Variants in MOCOS observed in about 807,000 individuals in gnomAD.
The protein encoded by MOCOS is molybdenum cofactor sulfurase.
In MOCOS, 86 loss-of-function variants were observed where a neutral mutation model predicts 83.6. The ratio of observed to expected loss-of-function variants is 1.03; its 90% CI spans 0.86 to 1.23. The LOEUF (loss-of-function observed/expected upper bound fraction) is 1.23, where lower values mean the gene tolerates loss of function less well. Ranked by LOEUF, MOCOS falls within the 50% of genes most tolerant of loss-of-function variation. The pLI, the probability that MOCOS is intolerant of heterozygous loss-of-function variation, is 0.00. For missense variants in MOCOS, 1,120 were observed against 1,126.9 expected (o/e 0.99, Z 0.09); for synonymous variants, 445 against 434.7 (o/e 1.02, Z -0.29).
At chr18:36,188,607 T>C (rs1414950797) in intron 1 of MOCOS, among the ~76,000 whole-genome samples, 1 of 152,176 alleles carries the variant, frequency 6.6e-6, no homozygotes, top group East Asian at 1.9e-4. Flanking sequence ...GTGTATCTGC[T>C]CTGTCGCGAT....
intron 4 of MOCOS, among the ~76,000 whole-genome samples, chr18:36,202,145 C>T (rs1386341816): frequency 6.6e-6 from 1 of 152,156 alleles, no homozygotes; most frequent in Non-Finnish European, 1.5e-5. Flanking sequence ...AGGACTAGAA[C>T]TCAATAGATT....
intron 8 of MOCOS, among the ~76,000 whole-genome samples, chr18:36,216,872 G>A (rs1360677271): frequency 6.6e-6 from 1 of 152,184 alleles, no homozygotes; most frequent in African/African-American, 2.4e-5. Flanking sequence ...AATGAATGGG[G>A]TGTGTCTCCT....
chr18:36,241,122 C>A (rs948540613), intron 9 of MOCOS, among the ~76,000 whole-genome samples: 3 of 152,168 alleles, frequency 2.0e-5, no homozygotes, highest in African/African-American at 7.2e-5. Flanking sequence ...GAGCTGTAGA[C>A]CGGAGCTGTT....
chr18:36,200,108 A>T lies in MOCOS; in HGVS notation c.725A>T (p.Tyr242Phe), dbSNP rs2091406509. 1.9e-6 allele frequency: 3 copies of T among 1,614,148 alleles called. No homozygotes were observed. In the East Asian group the frequency reaches 6.7e-5, roughly 36 times the overall value. ...TTTGTGCTGCTGGATGCAGCCTCCT[A>T]CGTGAGCACCTCGCCTTTGGACCTG... ...KWFVLLDAAS[Y>F]VSTSPLDLSA... The change falls in exon 4 of 15, where the codon TAC becomes TTC. Residue 242 changes from tyrosine (Y) to phenylalanine (F), a missense_variant. Transcript: ENST00000261326.
chr18:36,248,336 G>T (rs77771154), intron 9 of MOCOS, among the ~76,000 whole-genome samples: 2,394 of 152,066 alleles, frequency 0.016, 57 homozygotes, highest in African/African-American at 0.054. Context: ...TTTCCTATTT[G>T]GTTATTAATC....
intron 6 of MOCOS, among the ~76,000 whole-genome samples, chr18:36,212,018 C>T (rs190612344): frequency 2.6e-5 from 4 of 152,324 alleles, no homozygotes; most frequent in South Asian, 4.1e-4. Context: ...GATGCCAAGC[C>T]ACATGGAGAC....
Position 36,270,949 on chromosome 18 carries a change from G to A in MOCOS, c.*2264G>A, listed in dbSNP as rs1382684883. 4 of 150,952 alleles carry A rather than the reference G, an allele frequency of 2.6e-5. No homozygotes were observed. Among genetic ancestry groups the A allele is most frequent in the Non-Finnish European group, 5.9e-5 (4 of 67,878 alleles). The allele number at this position is 150,952 out of a possible 1,614,324, so 9.4% of individuals were successfully genotyped here. A position where few individuals can be genotyped will look rare whatever the true frequency, so the allele number is the denominator to read the frequency against. On this transcript the variant is annotated 3_prime_UTR_variant, in exon 15 of 15. Coordinates refer to ENST00000261326, the MANE Select transcript of MOCOS (RefSeq NM_017947.4). ...CCTGCCTCAGCCTCCCAAGTAGCTG[G>A]GACTACAGGCACACATCACCACATC...
At chr18:36,242,977 G>T (rs2091589384) in intron 9 of MOCOS, among the ~76,000 whole-genome samples, 1 of 152,060 alleles carries the variant, frequency 6.6e-6, no homozygotes, top group Non-Finnish European at 1.5e-5. Flanking sequence ...TTCCTTGTAG[G>T]TATCTTTTCC....
intron 6 of MOCOS, among the ~76,000 whole-genome samples, chr18:36,212,561 T>C (rs956058140): frequency 6.6e-6 from 1 of 152,160 alleles, no homozygotes; most frequent in Non-Finnish European, 1.5e-5. Context: ...AGGAACAGAA[T>C]TGTTCATCTG....
At position 36,205,483 on chromosome 18, in the gene MOCOS, C is replaced by T. The variant is rs1317881582; in HGVS notation, c.1218+207C>T. 3.3e-5 allele frequency among the ~76,000 whole-genome samples: 5 copies of T among 152,230 alleles called. No individual in the cohort carries two copies. The East Asian group carries it at 9.6e-4, about 29-fold the overall frequency. On this transcript the variant is annotated intron_variant, in intron 6 of 14. Transcript: ENST00000261326. ...TCAAATGGGAAGAAAGAGGCCAGTT[C>T]TTCTGATGGCAGGTGGGAAACTGTT...
At chr18:36,211,550 A>G (rs1278533003) in intron 6 of MOCOS, among the ~76,000 whole-genome samples, 1 of 152,110 alleles carries the variant, frequency 6.6e-6, no homozygotes, top group Non-Finnish European at 1.5e-5. Context: ...GGGAGCCTCC[A>G]GGGCATTGTG....
chr18:36,210,869 A>AAAAAAAAAAAAAAAAAC (rs2091452975), intron 6 of MOCOS, among the ~76,000 whole-genome samples: 1 of 132,084 alleles, frequency 7.6e-6, no homozygotes, highest in Non-Finnish European at 1.7e-5. Flanking sequence ...AAAAAAAAAA[A>AAAAAAAAAAAAAAAAAC]AAAAAAAAAA....
chr18:36,201,824 AC>A (rs1238857466), intron 4 of MOCOS, among the ~76,000 whole-genome samples: 1 of 152,102 alleles, frequency 6.6e-6, no homozygotes, highest in African/African-American at 2.4e-5. Flanking sequence ...CTCATGTAAA[AC>A]CTCTTGACTC....
chr18:36,223,050 C>CT (rs1373002099), intron 9 of MOCOS, among the ~76,000 whole-genome samples: 3 of 152,148 alleles, frequency 2.0e-5, no homozygotes. Flanking sequence ...TGCCTTTTCA[C>CT]TTTTTTAATT....
At chr18:36,224,837 T>A (rs1014810866) in intron 9 of MOCOS, among the ~76,000 whole-genome samples, 1 of 152,214 alleles carries the variant, frequency 6.6e-6, no homozygotes, top group Non-Finnish European at 1.5e-5. Flanking sequence ...GATTTAGTAT[T>A]AATTCTTCTT....
rs2091643685 is a variant in MOCOS at position 36,256,910 on chromosome 18, A to G, written c.2165-58A>G. 6 of 1,407,380 alleles carry G rather than the reference A, an allele frequency of 4.3e-6. No individual in the cohort carries two copies. The Admixed American group carries it at 6.7e-5, about 16-fold the overall frequency. The allele number at this position is 1,407,380 out of a possible 1,614,324, so 87.2% of individuals were successfully genotyped here. On this transcript the variant is annotated intron_variant, in intron 11 of 14. Coordinates refer to ENST00000261326, the MANE Select transcript of MOCOS (RefSeq NM_017947.4). ...TAAAAAAATACAAGTCTATGGAAAC[A>G]TGATTCACTGGCATTCTGAGAAAGC...
intron 9 of MOCOS, among the ~76,000 whole-genome samples, chr18:36,242,320 A>G (rs1364381028): frequency 1.3e-5 from 2 of 152,170 alleles, no homozygotes; most frequent in East Asian, 3.9e-4. Context: ...CTTCCCCACA[A>G]GTTCCTCATC....
chr18:36,250,827 AG>A (rs1297213843), intron 10 of MOCOS, among the ~76,000 whole-genome samples: 1 of 152,210 alleles, frequency 6.6e-6, no homozygotes, highest in Non-Finnish European at 1.5e-5. Flanking sequence ...TCTGGGTTCA[AG>A]GGCTTCTGAA....
intron 9 of MOCOS, among the ~76,000 whole-genome samples, chr18:36,229,464 T>C (rs1203256238): frequency 6.6e-6 from 1 of 152,212 alleles, no homozygotes; most frequent in Non-Finnish European, 1.5e-5. Context: ...TCTGATTATA[T>C]GTGTCTTGGC....
Sources: gnomAD v4.1 joint callset for allele counts (sites outside exome capture counted in the v4.1 genomes callset) on GRCh38, gnomAD v4.1.1 for gene constraint, MANE v1.5 for transcripts, NCBI Gene and HGNC (gene_info 2026-07-23, HGNC 2026-07-21) for gene names.